The following UBE2E2 variants were observed in gnomAD, a reference collection of about 807,000 sequenced individuals.
The protein encoded by UBE2E2 is ubiquitin conjugating enzyme E2 E2, also known as ubiquitin-conjugating enzyme E2 E2.
Under a neutral mutation model 24.7 loss-of-function variants are expected in UBE2E2, and 6 were observed. The ratio of observed to expected loss-of-function variants is 0.24; its 90% CI spans 0.13 to 0.48. The LOEUF (loss-of-function observed/expected upper bound fraction) is 0.48, where lower values mean the gene tolerates loss of function less well. Ranked by LOEUF, UBE2E2 falls within the 20% of genes least tolerant of loss-of-function variation. The pLI, the probability that UBE2E2 is intolerant of heterozygous loss-of-function variation, is 0.99. For synonymous variants in UBE2E2, 104 were observed against 83.6 expected, an observed-to-expected ratio of 1.24 and a Z score of -1.33; for missense variants, 169 against 245.0, an observed-to-expected ratio of 0.69 and a Z score of 2.07.
chr3:23,347,315 A>G (rs894753235), intron 3 of UBE2E2, among the ~76,000 whole-genome samples: 1 of 152,244 alleles, frequency 6.6e-6, no homozygotes, highest in African/African-American at 2.4e-5. Context: ...AATGTCCATC[A>G]ATAATAGACT....
intron 3 of UBE2E2, among the ~76,000 whole-genome samples, chr3:23,484,987 A>G (rs1471096363): frequency 6.6e-6 from 1 of 152,160 alleles, no homozygotes; most frequent in Non-Finnish European, 1.5e-5. Flanking sequence ...GTAACTACTG[A>G]AAATAAGTCT....
chr3:23,423,939 C>A (rs1346569319), intron 3 of UBE2E2, among the ~76,000 whole-genome samples: 2 of 152,146 alleles, frequency 1.3e-5, no homozygotes, highest in African/African-American at 4.8e-5. Flanking sequence ...TCATGATCCT[C>A]AGGGAGACTT....
In UBE2E2 at chr3:23,417,073, C is replaced by T. The variant is rs1480043545; in HGVS notation, c.228-82535C>T. Among the ~76,000 whole-genome samples the T allele has an allele frequency of 5.3e-5, 8 of 152,246 alleles. No individual in the cohort carries two copies. The East Asian group carries it at 1.3e-3, about 26-fold the overall frequency. On this transcript the variant is annotated intron_variant, in intron 3 of 5. Transcript: ENST00000396703. ...CTGTCAGTTCATCTAACTCATTCTC[C>T]GTCCAGTTTTGTTCCCTTGCTGGCG...
intron 3 of UBE2E2, among the ~76,000 whole-genome samples, chr3:23,446,709 T>TGTTG (rs1559386304): frequency 7.0e-6 from 1 of 142,660 alleles, no homozygotes; most frequent in South Asian, 2.4e-4. Flanking sequence ...GTTTTTTTTT[T>TGTTG]TTTTTTTTTT....
chr3:23,529,631 T>A (rs914941754), intron 4 of UBE2E2, among the ~76,000 whole-genome samples: 35 of 152,218 alleles, frequency 2.3e-4, no homozygotes, highest in African/African-American at 8.4e-4. Flanking sequence ...GCCAATAATA[T>A]TATTTTCCCT....
At chr3:23,492,933 C>G (rs1056631059) in intron 3 of UBE2E2, among the ~76,000 whole-genome samples, 3 of 151,816 alleles carry the variant, frequency 2.0e-5, no homozygotes, top group African/African-American at 7.3e-5. Context: ...CCATTTCAAC[C>G]TGTAATTATT....
At chr3:23,291,792 C>G (rs999782617) in intron 3 of UBE2E2, among the ~76,000 whole-genome samples, 4 of 144,294 alleles carry the variant, frequency 2.8e-5, no homozygotes, top group Non-Finnish European at 6.0e-5. Context: ...AAGCAATTCT[C>G]TCACCTCAGC....
intron 4 of UBE2E2, among the ~76,000 whole-genome samples, chr3:23,506,916 G>A (rs1419461936): frequency 1.3e-5 from 2 of 152,194 alleles, no homozygotes; most frequent in Non-Finnish European, 2.9e-5. Context: ...TTACAGGCAT[G>A]AGCCACCACA....
At chr3:23,418,288 C>A (rs1371768830) in intron 3 of UBE2E2, among the ~76,000 whole-genome samples, 1 of 152,198 alleles carries the variant, frequency 6.6e-6, no homozygotes, top group Non-Finnish European at 1.5e-5. Context: ...CAGTTCCTCA[C>A]GGCTTACCTT....
intron 3 of UBE2E2, among the ~76,000 whole-genome samples, chr3:23,382,087 GTCAGTTT>G (rs1158101580): frequency 6.6e-6 from 1 of 151,392 alleles, no homozygotes; most frequent in Non-Finnish European, 1.5e-5. Context: ...ACTTATGATT[GTCAGTTT>G]ATGATTATTT....
At chr3:23,223,045 T>G (rs1696704136) in intron 3 of UBE2E2, among the ~76,000 whole-genome samples, 1 of 122,006 alleles carries the variant, frequency 8.2e-6, no homozygotes, top group African/African-American at 3.0e-5. Context: ...TTTTTTGAGT[T>G]GTCTCTCTCT....
At chr3:23,240,683 G>T (rs1697237431) in intron 3 of UBE2E2, among the ~76,000 whole-genome samples, 1 of 152,180 alleles carries the variant, frequency 6.6e-6, no homozygotes, top group Non-Finnish European at 1.5e-5. Context: ...TGAATATAGG[G>T]ATGAATTAAG....
At chr3:23,339,701 C>G (rs532884985) in intron 3 of UBE2E2, among the ~76,000 whole-genome samples, 2 of 152,042 alleles carry the variant, frequency 1.3e-5, no homozygotes, top group Admixed American at 1.3e-4. Flanking sequence ...GTATTTACTT[C>G]ACTTGAGGAT....
chr3:23,578,010 A>G (rs1478322561), intron 5 of UBE2E2, among the ~76,000 whole-genome samples: 1 of 73,542 alleles, frequency 1.4e-5, no homozygotes, highest in South Asian at 5.0e-4. Flanking sequence ...TACCTCTCAG[A>G]AAAAAAAAAA....
chr3:23,283,216 T>C lies in UBE2E2; in HGVS notation c.227+65904T>C, dbSNP rs566457113. On this transcript the variant is annotated intron_variant, in intron 3 of 5. Transcript: ENST00000396703. Reference sequence around the variant, plus strand: ...CCTGAAGGCAACCAGTAAAAAACTTTTTTTTTTTCATGTAGAAAATTTGGA... The same window carrying C: ...CCTGAAGGCAACCAGTAAAAAACTTCTTTTTTTTCATGTAGAAAATTTGGA... 8.5e-5 allele frequency among the ~76,000 whole-genome samples: 13 copies of C among 152,200 alleles called. No homozygotes were observed. The East Asian group carries it at 2.3e-3, about 27-fold the overall frequency.
chr3:23,501,938 A>G (rs1210867976), intron 4 of UBE2E2, among the ~76,000 whole-genome samples: 1 of 152,190 alleles, frequency 6.6e-6, no homozygotes, highest in African/African-American at 2.4e-5. Context: ...TTTGGTACCT[A>G]TAACCACAAT....
At chr3:23,391,540 A>G (rs1364434900) in intron 3 of UBE2E2, among the ~76,000 whole-genome samples, 3 of 152,314 alleles carry the variant, frequency 2.0e-5, no homozygotes, top group East Asian at 1.9e-4. Context: ...AAGTGTTTGC[A>G]CTATTATGCA....
At chr3:23,253,500 A>G (rs934557608) in intron 3 of UBE2E2, among the ~76,000 whole-genome samples, 1 of 152,228 alleles carries the variant, frequency 6.6e-6, no homozygotes, top group Admixed American at 6.5e-5. Context: ...TGAAACTACT[A>G]CCATTGCTAC....
chr3:23,361,654 T>C (rs1235386245), intron 3 of UBE2E2, among the ~76,000 whole-genome samples: 1 of 152,184 alleles, frequency 6.6e-6, no homozygotes, highest in African/African-American at 2.4e-5. Context: ...AAGAGTGGTA[T>C]GGATGTTGGG....
Sources: gnomAD v4.1 joint callset for allele counts (sites outside exome capture counted in the v4.1 genomes callset) on GRCh38, gnomAD v4.1.1 for gene constraint, MANE v1.5 for transcripts, NCBI Gene and HGNC (gene_info 2026-07-23, HGNC 2026-07-21) for gene names.